RECQL5: variants seen among roughly 807,000 people sequenced by gnomAD.
RECQL5 encodes RecQ like helicase 5.
A neutral mutation model predicts 103.4 loss-of-function variants in RECQL5; 88 were observed. That is an observed-to-expected ratio of 0.85 (90% CI 0.72 to 1.02). The LOEUF is 1.02. RECQL5 is among the 50% of genes least tolerant of loss of function. RECQL5 has a pLI of 0.00. For synonymous variants in RECQL5, 552 were observed against 507.9 expected (o/e 1.09, Z -1.17); for missense variants, 1,232 against 1,284.3 (o/e 0.96, Z 0.62).
chr17:75,632,363 T>A (rs2059234679), intron 8 of RECQL5, among the ~76,000 whole-genome samples: 1 of 152,202 alleles, frequency 6.6e-6, no homozygotes, highest in Admixed American at 6.5e-5. Flanking sequence ...CCGCTTGATA[T>A]TTTTTTCCTT....
Position 75,662,507 on chromosome 17 carries a change from T to G in RECQL5, c.743A>C (p.Lys248Thr). 1 of 1,614,146 alleles carries G rather than the reference T, an allele frequency of 6.2e-7. No individual in the cohort carries two copies. Among genetic ancestry groups the G allele is most frequent in the Non-Finnish European group, 8.5e-7 (1 of 1,180,014 alleles). ...PYGNLKDFCLKALGQEADKGL... is the reference protein window; with the variant it reads ...PYGNLKDFCLTALGQEADKGL... ...TTTATCAGCCTCCTGTCCAAGAGCC[T>G]TAAGGCAGAAGTCCTTCAGGTTCCC... Residue 248 changes from lysine (K) to threonine (T), a missense_variant, in exon 4 of 20, where the codon AAG becomes ACG. Coordinates refer to ENST00000317905, the MANE Select transcript of RECQL5 (RefSeq NM_004259.7).
chr17:75,630,841 T>TTGGG lies in RECQL5; in HGVS notation c.1586-5_1586-4insCCCA. On this transcript the variant is annotated splice_region_variant and splice_polypyrimidine_tract_variant and intron_variant, in intron 11 of 19. Coordinates refer to ENST00000317905, the MANE Select transcript of RECQL5 (RefSeq NM_004259.7). ...TCTTTCAGGGGACAGTTCTCATCTG[T>TTGGG]GGGGGGGGGGGGTGGTCCTTGGTCC... is the stretch of plus-strand genomic sequence containing the variant. 8.9e-7 allele frequency: 1 copy of TTGGG among 1,129,628 alleles called. No individual in the cohort carries two copies. The highest frequency in any genetic ancestry group is 1.2e-6 in the Non-Finnish European group (1 of 851,186). The allele number at this position is 1,129,628 out of a possible 1,614,324, so 70.0% of individuals were successfully genotyped here. A position where few individuals can be genotyped will look rare whatever the true frequency, so the allele number is the denominator to read the frequency against.
Position 75,656,621 on chromosome 17 carries a change from G to A in RECQL5, c.1149+1677C>T, listed in dbSNP as rs560897957. On this transcript the variant is annotated intron_variant, in intron 7 of 19. Coordinates refer to ENST00000317905, the MANE Select transcript of RECQL5 (RefSeq NM_004259.7). The stretch of plus-strand genomic sequence containing the variant: ...CAGTTTGCCAGATTTTCTTATGATT[G>A]AGTAGATTTCTAGTAGGGTTTTTGT... 2.0e-5 allele frequency among the ~76,000 whole-genome samples: 3 copies of A among 151,858 alleles called. No homozygotes were observed. The South Asian group carries it at 6.2e-4, about 31-fold the overall frequency.
In RECQL5 at chr17:75,640,029, A is replaced by G; in HGVS notation, c.1230-8361T>C. 1 of 895,804 alleles carries G rather than the reference A, an allele frequency of 1.1e-6. No individual in the cohort carries two copies. The highest frequency in any genetic ancestry group is 1.6e-6 in the Non-Finnish European group (1 of 619,152). The allele number at this position is 895,804 out of a possible 1,614,324, so 55.5% of individuals were successfully genotyped here. On this transcript the variant is annotated intron_variant, in intron 8 of 19. Coordinates refer to ENST00000317905, the MANE Select transcript of RECQL5 (RefSeq NM_004259.7). The surrounding 1 kb of genome is among the most constrained non-coding windows in gnomAD (Gnocchi z 4.6). ...GGACTGAGGGCCACCACTAGGTGGA[A>G]GTCACCAGGGGTGCAATGTGTGAGA...
chr17:75,660,295 C>G (rs1176954362), intron 6 of RECQL5, among the ~76,000 whole-genome samples: 1 of 152,202 alleles, frequency 6.6e-6, no homozygotes, highest in South Asian at 2.1e-4. Context: ...GTCTCAAACT[C>G]GTGAACTCAA....
chr17:75,640,270 A>T lies in RECQL5; in HGVS notation c.1230-8602T>A. 6.4e-7 allele frequency: 1 copy of T among 1,551,512 alleles called. No individual in the cohort carries two copies. Among genetic ancestry groups the T allele is most frequent in the Non-Finnish European group, 8.7e-7 (1 of 1,146,908 alleles). ...AGAGGCTGCTGCTCAAGCTGCAGAG[A>T]CTGCCCCAGGCTGAGCCCGTGGAGA... On this transcript the variant is annotated intron_variant, in intron 8 of 19. Transcript: ENST00000317905. The surrounding 1 kb of genome is among the most constrained non-coding windows in gnomAD (Gnocchi z 4.6).
At position 75,630,969 on chromosome 17, in the gene RECQL5, C is replaced by T; in HGVS notation, c.1585+5G>A. On this transcript the variant is annotated splice_donor_5th_base_variant and intron_variant, in intron 11 of 19. Transcript: ENST00000317905. ...ACAAGCCTCCAGGAACATTTCTGTA[C>T]TGACCTGGGGGTACAAATTCTTCTA... The T allele has an allele frequency of 1.2e-6, 2 of 1,613,692 alleles. No individual in the cohort carries two copies. The highest frequency in any genetic ancestry group is 1.7e-6 in the Non-Finnish European group (2 of 1,179,842).
intron 1 of RECQL5, 143 bp from the exon 2 acceptor site, chr17:75,666,714 T>C: frequency 1.3e-6 from 1 of 760,396 alleles, no homozygotes; most frequent in East Asian, 2.7e-5. Context: ...AAGCTGAAGG[T>C]GAACTGCCTC....
At chr17:75,645,544 G>A (rs1321180339) in intron 8 of RECQL5, among the ~76,000 whole-genome samples, 4 of 152,226 alleles carry the variant, frequency 2.6e-5, no homozygotes, top group Admixed American at 2.6e-4. Context: ...ACAGGTTTGG[G>A]AACCAACACT....
chr17:75,634,521 G>C (rs995642389), intron 8 of RECQL5, among the ~76,000 whole-genome samples: 3 of 152,238 alleles, frequency 2.0e-5, no homozygotes, highest in Non-Finnish European at 4.4e-5. Context: ...GCTTAAAAGA[G>C]GGATTTGGCT....
intron 7 of RECQL5, among the ~76,000 whole-genome samples, chr17:75,653,916 A>G (rs1201393538): frequency 6.6e-6 from 1 of 151,002 alleles, no homozygotes; most frequent in Non-Finnish European, 1.5e-5. Flanking sequence ...ACAAAACAAA[A>G]CAAAAAAAAA....
At chr17:75,665,314 C>A (rs2059753914) in intron 2 of RECQL5, 142 bp from the exon 3 acceptor site, 3 of 699,410 alleles carry the variant, frequency 4.3e-6, no homozygotes, top group East Asian at 6.3e-5. Flanking sequence ...AATTCCCCTC[C>A]TGTCCTTTCT....
Position 75,627,451 on chromosome 17 carries a change from A to T in RECQL5, c.2947T>A (p.Trp983Arg). 6.2e-7 allele frequency: 1 copy of T among 1,613,660 alleles called. No homozygotes were observed. Among genetic ancestry groups the T allele is most frequent in the Non-Finnish European group, 8.5e-7 (1 of 1,179,998 alleles). ...GRARCESEAD[W>R]HGLCGPQR ...CTCTGGGGGCCACACAGGCCATGCC[A>T]GTCAGCTTCGCTCTCGCACCGGGCC... The change falls in exon 20 of 20, where the codon TGG (tryptophan) becomes AGG (arginine). Residue 983 changes from tryptophan to arginine, a missense_variant. Coordinates refer to ENST00000317905, the MANE Select transcript of RECQL5 (RefSeq NM_004259.7).
intron 8 of RECQL5, among the ~76,000 whole-genome samples, chr17:75,632,733 G>A (rs886955587): frequency 3.9e-5 from 6 of 152,208 alleles, no homozygotes; most frequent in Admixed American, 6.5e-5. Flanking sequence ...TGCAGAGGCC[G>A]CAAGAGGGGC....
At chr17:75,647,684 TC>T in intron 8 of RECQL5, 2 of 970,780 alleles carry the variant, frequency 2.1e-6, no homozygotes, top group Non-Finnish European at 3.1e-6. Flanking sequence ...TGTCTTCCTT[TC>T]CCATCAGGAA....
chr17:75,633,392 G>T lies in RECQL5; in HGVS notation c.1230-1724C>A, dbSNP rs2059257688. On this transcript the variant is annotated intron_variant, in intron 8 of 19. Transcript: ENST00000317905. Reference sequence around the variant, plus strand: ...CAAATGTCACAGGGCCCGGCCCCTGGACTCTGGAGCCCTGCCCTGACAGCT... The same window carrying T: ...CAAATGTCACAGGGCCCGGCCCCTGTACTCTGGAGCCCTGCCCTGACAGCT... 3.2e-6 allele frequency: 4 copies of T among 1,260,610 alleles called. No individual in the cohort carries two copies. In the South Asian group the frequency reaches 5.0e-5, roughly 16 times the overall value. The allele number at this position is 1,260,610 out of a possible 1,614,324, so 78.1% of individuals were successfully genotyped here. A position where few individuals can be genotyped will look rare whatever the true frequency, so the allele number is the denominator to read the frequency against.
chr17:75,643,148 C>T (rs1015073395), intron 8 of RECQL5, among the ~76,000 whole-genome samples: 17 of 152,216 alleles, frequency 1.1e-4, no homozygotes, highest in Admixed American at 6.5e-4. Flanking sequence ...ATTTTTCATT[C>T]CCAGCACCAA....
At chr17:75,631,041 G>A (rs376871064) in intron 10 of RECQL5, 31 bp from the exon 11 acceptor site, 11 of 1,613,032 alleles carry the variant, frequency 6.8e-6, no homozygotes, top group African/African-American at 2.7e-5. Context: ...CCCATGAGGC[G>A]TCCTGCCCTG....
At position 75,627,172 on chromosome 17, in the gene RECQL5, CA is replaced by C. The variant is rs2059108197; in HGVS notation, c.*249del. ...ACCACCCTCCACCTTCTGTCCTCGACATGTGTCCCAGAAAACCCAGCCATGA... is the reference window on the plus strand; with the variant it reads ...ACCACCCTCCACCTTCTGTCCTCGACTGTGTCCCAGAAAACCCAGCCATGA... On this transcript the variant is annotated 3_prime_UTR_variant, in exon 20 of 20. Transcript: ENST00000317905. The C allele has an allele frequency of 1.6e-6, 1 of 616,148 alleles. No individual in the cohort carries two copies. Among genetic ancestry groups the C allele is most frequent in the Non-Finnish European group, 3.0e-6 (1 of 330,348 alleles). The allele number at this position is 616,148 out of a possible 1,614,324, so 38.2% of individuals were successfully genotyped here.
Sources: allele counts gnomAD v4.1 joint callset (sites outside exome capture counted in the v4.1 genomes callset), GRCh38; gene constraint gnomAD v4.1.1; non-coding constraint Gnocchi (gnomAD v3.1); transcripts MANE v1.5; gene names NCBI Gene and HGNC (gene_info 2026-07-23, HGNC 2026-07-21).